PHKG2: variants seen among roughly 807,000 people sequenced by gnomAD.
PHKG2 encodes the protein phosphorylase b kinase gamma catalytic chain, liver/testis isoform.
Under a neutral mutation model 44.5 loss-of-function variants are expected in PHKG2, and 28 were observed. The ratio of observed to expected loss-of-function variants is 0.63; its 90% CI spans 0.47 to 0.86. The LOEUF (loss-of-function observed/expected upper bound fraction) is 0.86. PHKG2 is among the 40% of genes least tolerant of loss of function. The pLI is 0.00. For missense variants in PHKG2, 498 were observed against 547.5 expected (o/e 0.91, Z 0.90); for synonymous variants, 220 against 211.2 (o/e 1.04, Z -0.36).
Position 30,748,446 on chromosome 16 carries a change from C to T in PHKG2, c.-63C>T. 3.6e-6 allele frequency: 1 copy of T among 279,322 alleles called. No individual in the cohort carries two copies. The highest frequency in any genetic ancestry group is 5.3e-5 in the South Asian group (1 of 19,024). 17.3% of individuals were successfully genotyped at this position (279,322 alleles called of 1,614,324 possible). A position where few individuals can be genotyped will look rare whatever the true frequency, so the allele number is the denominator to read the frequency against. On this transcript the variant is annotated 5_prime_UTR_variant, in exon 1 of 10. Transcript: ENST00000563588. ...GAGCGACTGCAGGCAAACCCGGCGA[C>T]AGCGCAGCTCGCGTCGACCCTGGCT...
chr16:30,760,536 C>T lies in PHKG2; in HGVS notation c.*3439C>T. 1 of 1,603,188 alleles carries T rather than the reference C, an allele frequency of 6.2e-7. No individual in the cohort carries two copies. The highest frequency in any genetic ancestry group is 1.1e-5 in the South Asian group (1 of 89,940). ...ACCACATGCTTTGGAGTCAGCCATTCCTCATGTTTTCCCAACCTGACCCCT... is the reference window on the plus strand; with the variant it reads ...ACCACATGCTTTGGAGTCAGCCATTTCTCATGTTTTCCCAACCTGACCCCT... On this transcript the variant is annotated 3_prime_UTR_variant, in exon 10 of 10. Coordinates refer to ENST00000563588, the MANE Select transcript of PHKG2 (RefSeq NM_000294.3).
intron 6 of PHKG2, among the ~76,000 whole-genome samples, chr16:30,754,464 C>T (rs1236722548): frequency 1.3e-5 from 2 of 151,896 alleles, no homozygotes; most frequent in South Asian, 2.1e-4. Context: ...TGTGCCTTGT[C>T]GGCACCAGTC....
At chr16:30,749,572 C>G (rs1276222980) in intron 2 of PHKG2, among the ~76,000 whole-genome samples, 1 of 151,784 alleles carries the variant, frequency 6.6e-6, no homozygotes, top group Non-Finnish European at 1.5e-5. Flanking sequence ...TCTTGAACTC[C>G]TGATCTCGTG....
At chr16:30,752,154 TG>T in intron 4 of PHKG2, among the ~76,000 whole-genome samples, 1 of 99,790 alleles carries the variant, frequency 1.0e-5, no homozygotes, top group Admixed American at 1.1e-4. Context: ...CCCAGCATTT[TG>T]GGAGGCTGAG....
In PHKG2 at chr16:30,761,042, G is replaced by A; in HGVS notation, c.*3945G>A. On this transcript the variant is annotated 3_prime_UTR_variant, in exon 10 of 10. Coordinates refer to ENST00000563588, the MANE Select transcript of PHKG2 (RefSeq NM_000294.3). Reference sequence around the variant, plus strand: ...CACACTGCCTCCTCTTTGGACTGGAGAGGCTGGAAAGCCAACTTCCAGTCA... The same window carrying A: ...CACACTGCCTCCTCTTTGGACTGGAAAGGCTGGAAAGCCAACTTCCAGTCA... The A allele has an allele frequency of 2.6e-6, 2 of 769,488 alleles. No individual in the cohort carries two copies. Among genetic ancestry groups the A allele is most frequent in the Non-Finnish European group, 4.2e-6 (2 of 479,702 alleles). 47.7% of individuals were successfully genotyped at this position (769,488 alleles called of 1,614,324 possible).
chr16:30,749,112 G>GTGCTGGTGGTGC (rs1435726492), intron 2 of PHKG2, among the ~76,000 whole-genome samples, 197 bp downstream of exon 2: 2 of 44,788 alleles, frequency 4.5e-5, no homozygotes, highest in African/African-American at 1.6e-4. Flanking sequence ...GCTGCTGCTG[G>GTGCTGGTGGTGC]TGGTGCTGGT....
Position 30,756,452 on chromosome 16 carries a change from A to G in PHKG2, c.733A>G (p.Ile245Val). ...HRRQILMLRM[I>V]MEGQYQFSSP... ...GCGGCAGATCCTGATGTTACGCATG[A>G]TCATGGAGGGCCAGTACCAGTTCAG... Residue 245 changes from isoleucine (I) to valine (V), a missense_variant, in exon 8 of 10, where the codon ATC becomes GTC. Transcript: ENST00000563588. 1 of 1,613,856 alleles carries G rather than the reference A, an allele frequency of 6.2e-7. No individual in the cohort carries two copies. The highest frequency in any genetic ancestry group is 1.1e-5 in the South Asian group (1 of 91,074).
chr16:30,748,701 CT>C, intron 1 of PHKG2, 101 bp from the exon 2 acceptor site: 6 of 505,738 alleles, frequency 1.2e-5, no homozygotes, highest in Non-Finnish European at 1.1e-5. Context: ...CCCCAGGACC[CT>C]GGCGCCCCAG....
Position 30,748,475 on chromosome 16 carries a change from C to T in PHKG2, c.-34C>T, listed in dbSNP as rs1432273455. On this transcript the variant is annotated 5_prime_UTR_variant, in exon 1 of 10. Coordinates refer to ENST00000563588, the MANE Select transcript of PHKG2 (RefSeq NM_000294.3). ...GCAGCTCGCGTCGACCCTGGCTCCT[C>T]TGCCTGCCCCCTCAGGTGAGCCTGC... The T allele has an allele frequency of 5.5e-6, 2 of 365,366 alleles. No individual in the cohort carries two copies. Among genetic ancestry groups the T allele is most frequent in the Non-Finnish European group, 1.0e-5 (2 of 198,440 alleles). 22.6% of individuals were successfully genotyped at this position (365,366 alleles called of 1,614,324 possible).
Position 30,759,803 on chromosome 16 carries a change from C to T in PHKG2, c.*2706C>T. On this transcript the variant is annotated 3_prime_UTR_variant, in exon 10 of 10. Coordinates refer to ENST00000563588, the MANE Select transcript of PHKG2 (RefSeq NM_000294.3). Reference sequence around the variant, plus strand: ...CACTTCACTCAACAGCTGTTTATGACCATGAGCTTCAGAAGCAGACAGATC... The same window carrying T: ...CACTTCACTCAACAGCTGTTTATGATCATGAGCTTCAGAAGCAGACAGATC... 2 of 1,525,622 alleles carry T rather than the reference C, an allele frequency of 1.3e-6. No homozygotes were observed. The highest frequency in any genetic ancestry group is 1.8e-6 in the Non-Finnish European group (2 of 1,140,364). 94.5% of individuals were successfully genotyped at this position (1,525,622 alleles called of 1,614,324 possible).
chr16:30,754,648 C>T (rs986348471), intron 6 of PHKG2, among the ~76,000 whole-genome samples: 5 of 152,246 alleles, frequency 3.3e-5, no homozygotes, highest in Admixed American at 2.0e-4. Flanking sequence ...ACCTGTGGAC[C>T]CACATGTCTG....
intron 6 of PHKG2, among the ~76,000 whole-genome samples, chr16:30,753,978 A>C (rs2053384417): frequency 6.6e-6 from 1 of 152,208 alleles, no homozygotes; most frequent in Non-Finnish European, 1.5e-5. Context: ...CCTGATGTGA[A>C]TACAGTTGTT....
At chr16:30,751,013 C>T in intron 2 of PHKG2, 93 bp from the exon 3 acceptor site, 2 of 1,346,332 alleles carry the variant, frequency 1.5e-6, no homozygotes, top group Non-Finnish European at 2.1e-6. Flanking sequence ...TCTTCAGAGT[C>T]TGGCACAGCG....
In PHKG2 at chr16:30,753,303, G is replaced by T. The variant is rs748373892; in HGVS notation, c.392+6G>T. ...CTCTCTGAAAAGGAAACCAGGTAAG[G>T]GTTGAGCCTGAAGCCCCAGGGGTGA... On this transcript the variant is annotated splice_donor_region_variant and intron_variant, in intron 5 of 9. Transcript: ENST00000563588. The T allele has an allele frequency of 1.2e-6, 2 of 1,614,006 alleles. No homozygotes were observed. The highest frequency in any genetic ancestry group is 4.5e-5 in the East Asian group (2 of 44,884).
chr16:30,749,563 C>G (rs1006207242), intron 2 of PHKG2, among the ~76,000 whole-genome samples: 8 of 152,062 alleles, frequency 5.3e-5, no homozygotes, highest in Non-Finnish European at 1.2e-4. Context: ...CCACGCTGGT[C>G]TTGAACTCCT....
intron 6 of PHKG2, among the ~76,000 whole-genome samples, chr16:30,755,569 G>A (rs1016886892): frequency 3.3e-5 from 5 of 151,972 alleles, no homozygotes; most frequent in South Asian, 4.2e-4. Flanking sequence ...CCAGCTACTC[G>A]GGAGACTGAG....
intron 4 of PHKG2, among the ~76,000 whole-genome samples, chr16:30,752,261 G>A (rs563093727): frequency 1.6e-3 from 225 of 143,016 alleles, no homozygotes; most frequent in Middle Eastern, 3.5e-3. Context: ...GGCCAGGCAT[G>A]GTGGTCGGTG....
Position 30,757,322 on chromosome 16 carries a change from C to A in PHKG2, c.*225C>A. The A allele has an allele frequency of 6.5e-7, 1 of 1,530,938 alleles. No homozygotes were observed. 94.8% of individuals were successfully genotyped at this position (1,530,938 alleles called of 1,614,324 possible). ...GCCACGCCTGGCCCGGTCAGTGCTG[C>A]ATGCACTGCATATGAAATAAAATCT... On this transcript the variant is annotated 3_prime_UTR_variant, in exon 10 of 10. Transcript: ENST00000563588.
chr16:30,753,354 G>A, intron 5 of PHKG2, 40 bp from the exon 6 acceptor site: 3 of 1,613,634 alleles, frequency 1.9e-6, no homozygotes, highest in Non-Finnish European at 2.5e-6. Context: ...GGGCAGGGAG[G>A]AGCCGAGGAG....
Sources: gnomAD v4.1 joint callset for allele counts (sites outside exome capture counted in the v4.1 genomes callset) on GRCh38, gnomAD v4.1.1 for gene constraint, MANE v1.5 for transcripts, NCBI Gene and HGNC (gene_info 2026-07-23, HGNC 2026-07-21) for gene names.